Variants in OGA observed in about 807,000 individuals in gnomAD.
The protein encoded by OGA is O-GlcNAcase, also known as protein O-GlcNAcase.
A neutral mutation model predicts 102.0 loss-of-function variants in OGA; 21 were observed. The ratio of observed to expected loss-of-function variants is 0.21; its 90% CI spans 0.15 to 0.30. The LOEUF is 0.30. Among genes scored for constraint, OGA ranks in the 10% least tolerant of loss-of-function variants. The pLI is 1.00. For missense variants in OGA, 765 were observed against 1,107.8 expected, an observed-to-expected ratio of 0.69 and a Z score of 4.39; for synonymous variants, 408 against 378.2, an observed-to-expected ratio of 1.08 and a Z score of -0.91.
intron 6 of OGA, 39 bp downstream of exon 6, chr10:101,806,006 T>C: frequency 7.3e-7 from 1 of 1,370,544 alleles, no homozygotes. Context: ...CAAGTCCTAC[T>C]TAATTCAACT....
At chr10:101,803,018 G>A (rs1009131424) in intron 7 of OGA, among the ~76,000 whole-genome samples, 3 of 144,880 alleles carry the variant, frequency 2.1e-5, no homozygotes, top group Admixed American at 7.0e-5. Context: ...GGGTGTGCCT[G>A]CAATCCCAGC....
In OGA at chr10:101,799,205, T is replaced by C. The variant is rs1355519387; in HGVS notation, c.1446A>G (p.Gln482=). The C allele has an allele frequency of 5.0e-6, 8 of 1,614,236 alleles. No individual in the cohort carries two copies. In the Middle Eastern group the frequency reaches 4.9e-4, roughly 100 times the overall value. ...QEETDHKNDN[Q]ILSEIVEAKM... ...TCGCTTCAACAATTTCACTCAGTAT[T>C]TGATTGTCATTCTTGTGGTCCGTTT... The change falls in exon 9 of 16, where the codon CAA becomes CAG. Residue 482 remains glutamine, a synonymous_variant. Transcript: ENST00000361464.
In OGA at chr10:101,814,970, A is replaced by G. The variant is rs553677181; in HGVS notation, c.200-1364T>C. On this transcript the variant is annotated intron_variant, in intron 1 of 15. Coordinates refer to ENST00000361464, the MANE Select transcript of OGA (RefSeq NM_012215.5). ...ACACTTTACATCTTGTCTAACCTTT[A>G]CTTTCCACTTGTCTCAGTCTAATCA... 3.3e-5 allele frequency among the ~76,000 whole-genome samples: 5 copies of G among 152,318 alleles called. No homozygotes were observed. The South Asian group carries it at 1.0e-3, about 32-fold the overall frequency.
At chr10:101,817,208 G>A (rs1259914350) in intron 1 of OGA, among the ~76,000 whole-genome samples, 1 of 152,178 alleles carries the variant, frequency 6.6e-6, no homozygotes, top group African/African-American at 2.4e-5. Flanking sequence ...TTCCAATTAC[G>A]CATCTCAGAT....
intron 10 of OGA, chr10:101,795,925 T>C: frequency 1.0e-6 from 1 of 982,178 alleles, no homozygotes; most frequent in Non-Finnish European, 1.2e-6. Context: ...GGTATCTATA[T>C]AATTTTGGAA....
Position 101,800,260 on chromosome 10 carries a change from C to G in OGA, c.1177G>C (p.Val393Leu). 6.2e-7 allele frequency: 1 copy of G among 1,614,074 alleles called. No homozygotes were observed. The highest frequency in any genetic ancestry group is 1.3e-5 in the African/African-American group (1 of 75,034). ...AACTCACTGCTGTATTGATGAGGCA[C>G]ACCAAACTCTTGCAACCATTCTGTT... Reference protein sequence around the residue: ...ALTEWLQEFGVPHQYSSRQVA... With the variant: ...ALTEWLQEFGLPHQYSSRQVA... The change falls in exon 8 of 16, where the codon GTG (valine) becomes CTG (leucine). Residue 393 changes from valine (V) to leucine (L), a missense_variant. Val to Leu is a conservative substitution (Grantham distance 32). This residue lies in a region of OGA where 281 missense variants were observed against 345.8 expected (regional missense o/e 0.81). Coordinates refer to ENST00000361464, the MANE Select transcript of OGA (RefSeq NM_012215.5).
rs200273838 is a variant in OGA at position 101,811,417 on chromosome 10, A to G, written c.350-1103T>C. ...AAATGAAAAAAAATGAAAAAAAAAA[A>G]AAAAAAAAAAAAAAATGAATCACAC... is the stretch of plus-strand genomic sequence containing the variant. On this transcript the variant is annotated intron_variant, in intron 3 of 15. Coordinates refer to ENST00000361464, the MANE Select transcript of OGA (RefSeq NM_012215.5). 7.2e-3 allele frequency among the ~76,000 whole-genome samples: 1,075 copies of G among 148,650 alleles called. 24 individuals carry two copies. The East Asian group carries it at 0.1, about 14-fold the overall frequency.
At chr10:101,794,096 TCTCTAA>T in intron 10 of OGA, 98 bp from the exon 11 acceptor site, 2 of 771,478 alleles carry the variant, frequency 2.6e-6, no homozygotes, top group Non-Finnish European at 4.4e-6. Flanking sequence ...TGGAAATAAC[TCTCTAA>T]CAATAATCAG....
At position 101,798,023 on chromosome 10, in the gene OGA, G is replaced by C. The variant is rs1406761428; in HGVS notation, c.1941C>G (p.Ile647Met). The C allele has an allele frequency of 6.2e-7, 1 of 1,613,842 alleles. No individual in the cohort carries two copies. The highest frequency in any genetic ancestry group is 8.5e-7 in the Non-Finnish European group (1 of 1,179,844). The change falls in exon 10 of 16, where the codon ATC becomes ATG. Residue 647 changes from isoleucine (I) to methionine (M), a missense_variant. Physicochemically the swap from Ile to Met is conservative, Grantham distance 10. Around this residue, in one of 7 missense-constraint regions of OGA, gnomAD observed 281 missense variants for 345.8 expected, o/e 0.81. Coordinates refer to ENST00000361464, the MANE Select transcript of OGA (RefSeq NM_012215.5). ...ACTTCACCATAGACATTATACTCTTGATATCCCAAACATAGGAGTACATGT... is the reference window on the plus strand; with the variant it reads ...ACTTCACCATAGACATTATACTCTTCATATCCCAAACATAGGAGTACATGT... ...LYDMYSYVWDIKSIMSMVKSF... is the reference protein window; with the variant it reads ...LYDMYSYVWDMKSIMSMVKSF...
intron 1 of OGA, among the ~76,000 whole-genome samples, chr10:101,816,182 G>A (rs2065622423): frequency 1.3e-5 from 2 of 152,078 alleles, no homozygotes; most frequent in South Asian, 4.1e-4. Context: ...AGAATTGCTC[G>A]AACCCGGGAG....
Position 101,817,812 on chromosome 10 carries a change from G to A in OGA, c.199+12C>T. The A allele has an allele frequency of 2.0e-6, 3 of 1,536,666 alleles. No individual in the cohort carries two copies. The highest frequency in any genetic ancestry group is 1.7e-6 in the Non-Finnish European group (2 of 1,146,294). On this transcript the variant is annotated intron_variant, in intron 1 of 15. Coordinates refer to ENST00000361464, the MANE Select transcript of OGA (RefSeq NM_012215.5). ...GTTAGTGCCAAAACGGGGAGGGAAG[G>A]AGGGCGCTCACCTTCCACCACACCG...
In OGA at chr10:101,787,534, T is replaced by G. The variant is rs749970410; in HGVS notation, c.2455-11A>C. 1 of 1,601,384 alleles carries G rather than the reference T, an allele frequency of 6.2e-7. No individual in the cohort carries two copies. The highest frequency in any genetic ancestry group is 1.1e-5 in the South Asian group (1 of 90,660). On this transcript the variant is annotated splice_polypyrimidine_tract_variant and intron_variant, in intron 14 of 15. Coordinates refer to ENST00000361464, the MANE Select transcript of OGA (RefSeq NM_012215.5). ...ACTCAACATTATTTTCTGGAAAAAT[T>G]AGAATCTCTTGACTTTCACAATAGT...
chr10:101,800,630 A>G (rs2065376685), intron 7 of OGA, among the ~76,000 whole-genome samples: 1 of 152,254 alleles, frequency 6.6e-6, no homozygotes, highest in Non-Finnish European at 1.5e-5. Flanking sequence ...CTCAATTGAA[A>G]TAAGAAATAT....
At chr10:101,812,294 C>T (rs998725522) in intron 3 of OGA, among the ~76,000 whole-genome samples, 1 of 152,168 alleles carries the variant, frequency 6.6e-6, no homozygotes, top group African/African-American at 2.4e-5. Context: ...GTAATCCCAG[C>T]ACTTTGGGAG....
intron 14 of OGA, among the ~76,000 whole-genome samples, 172 bp downstream of exon 14, chr10:101,790,724 T>A (rs551702510): frequency 2.6e-4 from 39 of 152,346 alleles, no homozygotes; most frequent in Non-Finnish European, 3.4e-4. Flanking sequence ...AAAAATGTCA[T>A]GCTAAGAATA....
intron 11 of OGA, among the ~76,000 whole-genome samples, chr10:101,793,468 A>AT (rs1371470711): frequency 1.3e-4 from 20 of 152,328 alleles, no homozygotes; most frequent in African/African-American, 4.8e-4. Flanking sequence ...AAAACTTCCT[A>AT]TTTTGTTCAT....
chr10:101,799,937 A>G (rs1280542280), intron 8 of OGA, among the ~76,000 whole-genome samples: 2 of 152,106 alleles, frequency 1.3e-5, no homozygotes, highest in East Asian at 1.9e-4. Flanking sequence ...CAGTGGCTCA[A>G]TCTTGGCTCA....
intron 6 of OGA, among the ~76,000 whole-genome samples, chr10:101,805,469 A>T (rs1288622650): frequency 6.6e-6 from 1 of 152,062 alleles, no homozygotes; most frequent in Non-Finnish European, 1.5e-5. Flanking sequence ...AGCCTGGCTA[A>T]CATGGAGAAA....
chr10:101,813,321 T>A (rs980911798), intron 2 of OGA, among the ~76,000 whole-genome samples, 194 bp from the exon 3 acceptor site: 2 of 152,120 alleles, frequency 1.3e-5, no homozygotes, highest in Non-Finnish European at 2.9e-5. Context: ...CAAAACACTC[T>A]TAAAAAACAC....
Sources: gnomAD v4.1 joint callset for allele counts (sites outside exome capture counted in the v4.1 genomes callset) on GRCh38, gnomAD v4.1.1 for gene constraint, gnomAD v4.1.1 regional missense constraint, MANE v1.5 for transcripts, NCBI Gene and HGNC (gene_info 2026-07-23, HGNC 2026-07-21) for gene names.